PLSCR2: variants seen among roughly 807,000 people sequenced by gnomAD.
The protein encoded by PLSCR2 is phospholipid scramblase 2.
PLSCR2 carries 18 observed loss-of-function variants against 25.3 expected under a neutral mutation model. The observed-to-expected ratio is 0.71, with a 90% CI of 0.49 to 1.06. The LOEUF is 1.06. Among genes scored for constraint, PLSCR2 ranks in the 50% least tolerant of loss-of-function variants. The pLI is 0.00. For synonymous variants in PLSCR2, 88 were observed against 87.3 expected (o/e 1.01, Z -0.04); for missense variants, 243 against 269.5 (o/e 0.90, Z 0.69).
chr3:146,395,464 AAG>A (rs2038242334), intron 3 of PLSCR2, among the ~76,000 whole-genome samples: 1 of 152,236 alleles, frequency 6.6e-6, no homozygotes. Flanking sequence ...TTTACATTGT[AAG>A]AGATAACTAT....
At chr3:146,453,947 A>G (rs2041047204) in intron 5 of PLSCR2, 55 bp downstream of exon 5, 3 of 1,410,918 alleles carry the variant, frequency 2.1e-6, no homozygotes, top group Non-Finnish European at 2.9e-6. Flanking sequence ...TATTCTGCAA[A>G]ATTATATTCT....
At chr3:146,414,231 A>G (rs980428238) in intron 2 of PLSCR2, among the ~76,000 whole-genome samples, 2 of 152,206 alleles carry the variant, frequency 1.3e-5, no homozygotes, top group Non-Finnish European at 2.9e-5. Context: ...TAAAGGTCCA[A>G]CCTGTCAACA....
At chr3:146,455,415 T>C (rs1374357428) in exon 4 of PLSCR2, 5 of 1,613,228 alleles carry the variant, frequency 3.1e-6, no homozygotes, top group Non-Finnish European at 4.2e-6. Context: ...TGCCCAAAGC[T>C]GTTCTTGATT....
At chr3:146,440,184 T>C (rs2040146978), downstream of PLSCR2, among the ~76,000 whole-genome samples, 1 of 152,196 alleles carries the variant, frequency 6.6e-6, no homozygotes, top group Non-Finnish European at 1.5e-5. Context: ...AATTGGCCCC[T>C]ACTGGGAGAT....
At chr3:146,436,320 G>A (rs1448298654) in intron 8 of PLSCR2, among the ~76,000 whole-genome samples, 3 of 152,158 alleles carry the variant, frequency 2.0e-5, no homozygotes, top group Admixed American at 6.5e-5. Context: ...AAAGTTCATT[G>A]GTAGCTTGAT....
At chr3:146,408,776 T>C (rs1444581538) in intron 2 of PLSCR2, among the ~76,000 whole-genome samples, 1 of 152,080 alleles carries the variant, frequency 6.6e-6, no homozygotes, top group Non-Finnish European at 1.5e-5. Context: ...ACAACTTCGG[T>C]CATCTTAGAC....
intron 1 of PLSCR2, among the ~76,000 whole-genome samples, chr3:146,467,356 C>A (rs1424975414): frequency 6.6e-6 from 1 of 152,094 alleles, no homozygotes; most frequent in African/African-American, 2.4e-5. Flanking sequence ...TATCACTGCT[C>A]AAAAACTTTT....
At chr3:146,428,924 T>G (rs2039449124), downstream of PLSCR2, among the ~76,000 whole-genome samples, 2 of 152,226 alleles carry the variant, frequency 1.3e-5, no homozygotes, top group Admixed American at 1.3e-4. Flanking sequence ...TCCCTGTGTT[T>G]TAAAAACTGT....
rs1019820246 is a variant in PLSCR2, at chr3:146,456,374, A to G, written c.101-915T>C. Among the ~76,000 whole-genome samples, 8 of 152,202 alleles carry G rather than the reference A, an allele frequency of 5.3e-5. No homozygotes were observed. In the East Asian group the frequency reaches 5.8e-4, roughly 11 times the overall value. On this transcript the variant is annotated intron_variant, in intron 3 of 6. Transcript: ENST00000610787. ...TTACCATAAACTTCCTTAAGAGTCT[A>G]CGGTGGGACTCAAACAAGGCCTGGA...
At chr3:146,418,246 C>T (rs886140524) in intron 2 of PLSCR2, among the ~76,000 whole-genome samples, 2 of 152,120 alleles carry the variant, frequency 1.3e-5, no homozygotes, top group Non-Finnish European at 2.9e-5. Context: ...AAAGGACTAG[C>T]TATCTCACAT....
intron 3 of PLSCR2, among the ~76,000 whole-genome samples, chr3:146,395,499 T>G (rs1396779682): frequency 2.0e-5 from 3 of 152,176 alleles, no homozygotes; most frequent in Non-Finnish European, 4.4e-5. Flanking sequence ...ATGAACCATA[T>G]TTTTACTATT....
At chr3:146,476,332 G>T (rs985574820) in intron 1 of PLSCR2, among the ~76,000 whole-genome samples, 6 of 152,236 alleles carry the variant, frequency 3.9e-5, no homozygotes, top group African/African-American at 1.4e-4. Context: ...GGGAGGCGCT[G>T]AGTGTTCATG....
chr3:146,475,622 A>T (rs1243944210), intron 1 of PLSCR2, among the ~76,000 whole-genome samples: 1 of 152,118 alleles, frequency 6.6e-6, no homozygotes, highest in African/African-American at 2.4e-5. Flanking sequence ...TTTCTTCATT[A>T]TGTGTGACCA....
intron 2 of PLSCR2, among the ~76,000 whole-genome samples, chr3:146,396,370 C>T (rs563426445): frequency 6.7e-4 from 102 of 152,104 alleles, no homozygotes; most frequent in African/African-American, 2.4e-3. Flanking sequence ...ATTTCTCATA[C>T]CAACTCATAC....
intron 2 of PLSCR2, among the ~76,000 whole-genome samples, chr3:146,417,721 G>C (rs1165740034): frequency 6.6e-6 from 1 of 152,132 alleles, no homozygotes; most frequent in Non-Finnish European, 1.5e-5. Context: ...TTTCAAAGTA[G>C]TTAGAAGAGA....
intron 1 of PLSCR2, among the ~76,000 whole-genome samples, chr3:146,486,337 C>T (rs493292): frequency 0.33 from 48,575 of 148,814 alleles, 7,874 homozygotes; most frequent in South Asian, 0.41. Context: ...CTGAAGGAGA[C>T]AGAGACATGA....
chr3:146,440,971 T>C (rs2108234772), downstream of PLSCR2, among the ~76,000 whole-genome samples: 1 of 152,288 alleles, frequency 6.6e-6, no homozygotes, highest in South Asian at 2.1e-4. Context: ...AGCTAACCAT[T>C]CCATGTGGTA....
At position 146,401,636 on chromosome 3, in the gene PLSCR2, C is replaced by A. The variant is rs543669112; in HGVS notation, c.101-5715G>T. On this transcript the variant is annotated intron_variant and NMD_transcript_variant, in intron 2 of 3. Transcript: ENST00000463633. ...ATGTAAACAGGTATCAAATTACCTTCAAATAGGAAATTATATTGGATAATA... is the reference window on the plus strand; with the variant it reads ...ATGTAAACAGGTATCAAATTACCTTAAAATAGGAAATTATATTGGATAATA... The A allele has an allele frequency of 2.5e-4, 38 of 152,552 alleles. No homozygotes were observed. In the East Asian group the frequency reaches 7.1e-3, roughly 29 times the overall value. 9.4% of individuals were successfully genotyped at this position (152,552 alleles called of 1,614,324 possible). A position where few individuals can be genotyped will look rare whatever the true frequency, so the allele number is the denominator to read the frequency against.
intron 6 of PLSCR2, 22 bp from the exon 7 acceptor site, chr3:146,441,843 G>C (rs576958071): frequency 6.6e-7 from 1 of 1,521,702 alleles, no homozygotes; most frequent in African/African-American, 1.4e-5. Context: ...CAAAAATACA[G>C]AAATGAATTC....
Sources: gnomAD v4.1 joint callset for allele counts (sites outside exome capture counted in the v4.1 genomes callset) on GRCh38, gnomAD v4.1.1 for gene constraint, MANE v1.5 for transcripts, NCBI Gene and HGNC (gene_info 2026-07-23, HGNC 2026-07-21) for gene names.